The following CDH20 variants were observed in gnomAD, a reference collection of about 807,000 sequenced individuals.
CDH20 encodes cadherin 20.
CDH20 carries 29 observed loss-of-function variants against 74.2 expected under a neutral mutation model. The observed-to-expected ratio is 0.39, with a 90% CI of 0.29 to 0.53. The LOEUF is 0.53. Among genes scored for constraint, CDH20 ranks in the 20% least tolerant of loss-of-function variants. The pLI is 0.69. For missense variants in CDH20, 988 were observed against 1,048.3 expected (o/e 0.94, Z 0.79); for synonymous variants, 469 against 405.4 (o/e 1.16, Z -1.88).
chr18:61,545,107 T>C lies in CDH20; in HGVS notation c.1611T>C (p.Ala537=). ...QHFYYSLAPE[A]ANNPNFTIRD... ...TCTACTACAGCTTGGCTCCTGAGGCTGCTAACAACCCCAACTTTACCATAA... is the reference window on the plus strand; with the variant it reads ...TCTACTACAGCTTGGCTCCTGAGGCCGCTAACAACCCCAACTTTACCATAA... Residue 537 remains alanine (A), a synonymous_variant, in exon 10 of 12, where the codon GCT becomes GCC. Transcript: ENST00000262717. 6.2e-7 allele frequency: 1 copy of C among 1,613,790 alleles called. No homozygotes were observed. The highest frequency in any genetic ancestry group is 8.5e-7 in the Non-Finnish European group (1 of 1,179,716).
intron 1 of CDH20, among the ~76,000 whole-genome samples, chr18:61,362,537 TAATA>T (rs1356845729): frequency 1.3e-5 from 2 of 152,090 alleles, no homozygotes; most frequent in Non-Finnish European, 2.9e-5. Flanking sequence ...TGGGGACAGA[TAATA>T]AATATAAAAA....
chr18:61,384,284 T>C (rs1911526721), intron 1 of CDH20, among the ~76,000 whole-genome samples: 1 of 152,172 alleles, frequency 6.6e-6, no homozygotes, highest in Non-Finnish European at 1.5e-5. Context: ...TCATTGTATC[T>C]CATCAGGAGA....
At chr18:61,509,889 G>A (rs1038832359) in intron 6 of CDH20, among the ~76,000 whole-genome samples, 16 of 152,132 alleles carry the variant, frequency 1.1e-4, no homozygotes, top group African/African-American at 3.6e-4. Context: ...CTAAAAACGT[G>A]GATGAGGATA....
intron 1 of CDH20, among the ~76,000 whole-genome samples, chr18:61,377,903 T>C (rs941472141): frequency 3.9e-5 from 6 of 152,236 alleles, no homozygotes; most frequent in Non-Finnish European, 7.4e-5. Flanking sequence ...TGACAACTAA[T>C]GACTTATTTA....
chr18:61,361,560 C>T (rs1204426459), intron 1 of CDH20, among the ~76,000 whole-genome samples: 1 of 152,150 alleles, frequency 6.6e-6, no homozygotes, highest in Non-Finnish European at 1.5e-5. Flanking sequence ...TCTCTTTGCT[C>T]AGTCACTCAC....
intron 2 of CDH20, among the ~76,000 whole-genome samples, chr18:61,497,971 G>C (rs983249764): frequency 7.9e-5 from 12 of 152,016 alleles, no homozygotes; most frequent in South Asian, 2.1e-4. Context: ...TTACCTATAG[G>C]GTTGCTCAAA....
At chr18:61,367,049 A>T (rs181645079) in intron 1 of CDH20, among the ~76,000 whole-genome samples, 68 of 152,290 alleles carry the variant, frequency 4.5e-4, no homozygotes, top group Non-Finnish European at 5.4e-4. Flanking sequence ...AGAGAGAAAT[A>T]AGAAAATGAG....
intron 1 of CDH20, among the ~76,000 whole-genome samples, chr18:61,358,115 CCTT>C (rs1910556322): frequency 6.7e-6 from 1 of 150,016 alleles, no homozygotes; most frequent in Non-Finnish European, 1.5e-5. Context: ...TGTTATTGTT[CCTT>C]TTTTTTTTTT....
At chr18:61,544,980 C>A in intron 9 of CDH20, 47 bp from the exon 10 acceptor site, 1 of 1,303,482 alleles carries the variant, frequency 7.7e-7, no homozygotes. Flanking sequence ...GGCCCTGGTG[C>A]TTTTTCCTTT....
chr18:61,362,103 T>C (rs1391271634), intron 1 of CDH20, among the ~76,000 whole-genome samples: 2 of 152,078 alleles, frequency 1.3e-5, no homozygotes, highest in Non-Finnish European at 2.9e-5. Context: ...ATAAACCCAC[T>C]TACTCCAAGA....
Position 61,375,767 on chromosome 18 carries a change from GC to G in CDH20, c.-153+41943del, listed in dbSNP as rs1911202162. ...AACAGGATACCATATGCCAGACACT[GC>G]CCTTAAATTTTTTTTCTCACTTTTA... is the stretch of plus-strand genomic sequence containing the variant. On this transcript the variant is annotated intron_variant, in intron 1 of 11. Coordinates refer to ENST00000262717, the MANE Select transcript of CDH20 (RefSeq NM_031891.4). Among the ~76,000 whole-genome samples the G allele has an allele frequency of 3.3e-5, 5 of 151,946 alleles. No individual in the cohort carries two copies. In the South Asian group the frequency reaches 1.0e-3, roughly 32 times the overall value.
intron 1 of CDH20, among the ~76,000 whole-genome samples, chr18:61,454,024 T>C (rs560835822): frequency 8.1e-4 from 124 of 152,324 alleles, no homozygotes; most frequent in Non-Finnish European, 1.5e-3. Flanking sequence ...CACTATGTCA[T>C]AGTGGCTTTA....
intron 1 of CDH20, among the ~76,000 whole-genome samples, chr18:61,451,357 T>C (rs1909381176): frequency 6.6e-6 from 1 of 152,130 alleles, no homozygotes; most frequent in South Asian, 2.1e-4. Flanking sequence ...ATACTCAAAG[T>C]ATAGTAGTTC....
At chr18:61,437,278 G>C (rs1004717828) in intron 1 of CDH20, among the ~76,000 whole-genome samples, 2 of 152,106 alleles carry the variant, frequency 1.3e-5, no homozygotes, top group African/African-American at 4.8e-5. Context: ...AGACAAGAAG[G>C]GTTCATGTCC....
At chr18:61,337,469 T>C (rs928021469) in intron 1 of CDH20, among the ~76,000 whole-genome samples, 6 of 152,216 alleles carry the variant, frequency 3.9e-5, no homozygotes, top group African/African-American at 1.2e-4. Flanking sequence ...CTCGGACATA[T>C]AAGACTTAAA....
At chr18:61,496,856 G>GTT (rs1911183712) in intron 2 of CDH20, among the ~76,000 whole-genome samples, 1 of 151,986 alleles carries the variant, frequency 6.6e-6, no homozygotes, top group Non-Finnish European at 1.5e-5. Context: ...TACATACACT[G>GTT]TTATATATAT....
At chr18:61,467,119 G>T (rs1268398927) in intron 1 of CDH20, among the ~76,000 whole-genome samples, 2 of 152,028 alleles carry the variant, frequency 1.3e-5, no homozygotes, top group Non-Finnish European at 2.9e-5. Context: ...CACTCCTAAA[G>T]GTGTCTGGTA....
At chr18:61,533,486 A>G (rs1375613970) in intron 7 of CDH20, among the ~76,000 whole-genome samples, 2 of 152,228 alleles carry the variant, frequency 1.3e-5, no homozygotes, top group Admixed American at 6.5e-5. Flanking sequence ...TCTTTTAAAA[A>G]CAGGATTGTT....
At chr18:61,516,630 A>G (rs969173683) in intron 6 of CDH20, among the ~76,000 whole-genome samples, 1 of 152,190 alleles carries the variant, frequency 6.6e-6, no homozygotes, top group African/African-American at 2.4e-5. Context: ...TTACTTTTTT[A>G]TTTTCTATTA....
Sources: allele counts gnomAD v4.1 joint callset (sites outside exome capture counted in the v4.1 genomes callset), GRCh38; gene constraint gnomAD v4.1.1; transcripts MANE v1.5; gene names NCBI Gene and HGNC (gene_info 2026-07-23, HGNC 2026-07-21).